CNIH3: variants seen among roughly 807,000 people sequenced by gnomAD.
CNIH3 encodes the protein protein cornichon homolog 3.
Under a neutral mutation model 24.1 loss-of-function variants are expected in CNIH3, and 14 were observed. That is an observed-to-expected ratio of 0.58 (90% CI 0.38 to 0.91). The LOEUF is 0.91. CNIH3 is among the 40% of genes least tolerant of loss of function. The pLI, the probability that CNIH3 is intolerant of heterozygous loss-of-function variation, is 0.00. For synonymous variants in CNIH3, 68 were observed against 73.8 expected (o/e 0.92, Z 0.40); for missense variants, 178 against 196.8 (o/e 0.90, Z 0.57).
intron 1 of CNIH3, among the ~76,000 whole-genome samples, chr1:224,501,422 C>T (rs1677661052): frequency 6.6e-6 from 1 of 151,810 alleles, no homozygotes; most frequent in South Asian, 2.1e-4. Context: ...ATCCAGTTTA[C>T]AGATGAGGGT....
chr1:224,595,033 A>C (rs1407896610), intron 3 of CNIH3, among the ~76,000 whole-genome samples: 1 of 152,106 alleles, frequency 6.6e-6, no homozygotes, highest in Non-Finnish European at 1.5e-5. Flanking sequence ...TGCTTGCCTC[A>C]TGTCTCTGTG....
chr1:224,721,271 A>G (rs1001236421), intron 3 of CNIH3, among the ~76,000 whole-genome samples: 1 of 152,028 alleles, frequency 6.6e-6, no homozygotes, highest in Non-Finnish European at 1.5e-5. Flanking sequence ...AGGCTTGTTG[A>G]ACCCTTAACC....
chr1:224,443,760 G>C (rs1675028759), intron 1 of CNIH3, among the ~76,000 whole-genome samples: 1 of 151,728 alleles, frequency 6.6e-6, no homozygotes, highest in South Asian at 2.1e-4. Context: ...ACCTGTGCTG[G>C]TCAGTGTGCA....
At chr1:224,617,373 G>C (rs1572594818) in intron 1 of CNIH3, 118 bp downstream of exon 1, 1 of 1,109,178 alleles carries the variant, frequency 9.0e-7, no homozygotes, top group Admixed American at 2.0e-5. Flanking sequence ...ACCTTCTGCC[G>C]CTCCACTGTC....
downstream of CNIH3, among the ~76,000 whole-genome samples, chr1:224,540,198 C>G (rs774509370): frequency 1.3e-4 from 20 of 152,160 alleles, no homozygotes; most frequent in Non-Finnish European, 1.9e-4. Context: ...TGCAGCTGCA[C>G]TCTCGTTTCA....
chr1:224,578,219 A>T (rs1032231510), intron 4 of CNIH3, among the ~76,000 whole-genome samples: 2 of 152,222 alleles, frequency 1.3e-5, no homozygotes, highest in African/African-American at 2.4e-5. Context: ...AGCTATTCCA[A>T]CTGGTAAAAT....
intron 1 of CNIH3, among the ~76,000 whole-genome samples, chr1:224,468,513 GACCT>G (rs1332155031): frequency 1.3e-5 from 2 of 152,134 alleles, no homozygotes; most frequent in African/African-American, 4.8e-5. Flanking sequence ...TGTGTCCAGT[GACCT>G]TCCTTATTAA....
chr1:224,580,428 G>A (rs1681222842), intron 4 of CNIH3, among the ~76,000 whole-genome samples: 1 of 152,202 alleles, frequency 6.6e-6, no homozygotes, highest in Non-Finnish European at 1.5e-5. Flanking sequence ...AGGATCTGTA[G>A]CCTGTGCTTT....
chr1:224,487,399 T>G (rs773731565), intron 1 of CNIH3, among the ~76,000 whole-genome samples: 3 of 152,230 alleles, frequency 2.0e-5, no homozygotes, highest in Non-Finnish European at 2.9e-5. Context: ...CCTCCTTCTG[T>G]CTTTCTGTTC....
Position 224,461,036 on chromosome 1 carries a change from T to C in CNIH3, n.203+26174T>C, listed in dbSNP as rs189664937. 6.9e-4 allele frequency among the ~76,000 whole-genome samples: 104 copies of C among 151,378 alleles called. 1 individual carries two copies. Among genetic ancestry groups the C allele is most frequent in the Admixed American group, 1.4e-3 (22 of 15,192 alleles). On this transcript the variant is annotated intron_variant and non_coding_transcript_variant, in intron 1 of 5. Coordinates refer to the CNIH3 transcript ENST00000471578. The stretch of plus-strand genomic sequence containing the variant: ...TTTTTTTTTTGAGATGGAGTCTCAC[T>C]CTGTCACCCAGCCTGGAGTGCAGTG...
intron 1 of CNIH3, among the ~76,000 whole-genome samples, chr1:224,678,621 G>A (rs970724214): frequency 6.6e-6 from 1 of 152,062 alleles, no homozygotes; most frequent in East Asian, 1.9e-4. Flanking sequence ...ACTTAAAGGG[G>A]TTCTTTGTGG....
intron 1 of CNIH3, among the ~76,000 whole-genome samples, chr1:224,470,112 G>T (rs866780491): frequency 6.6e-6 from 1 of 150,926 alleles, no homozygotes; most frequent in Non-Finnish European, 1.5e-5. Flanking sequence ...TCTGCTTCCC[G>T]GGTTCATGCC....
At chr1:224,479,421 T>C (rs1676718438) in intron 1 of CNIH3, among the ~76,000 whole-genome samples, 1 of 152,178 alleles carries the variant, frequency 6.6e-6, no homozygotes, top group African/African-American at 2.4e-5. Context: ...CCCAAAGTGC[T>C]GGGATTACAG....
intron 1 of CNIH3, among the ~76,000 whole-genome samples, chr1:224,477,206 T>G (rs1369121173): frequency 6.6e-6 from 1 of 152,236 alleles, no homozygotes; most frequent in South Asian, 2.1e-4. Context: ...TCAAAGGGTG[T>G]GTGGATTCTT....
chr1:224,608,322 C>G (rs1285719849), intron 3 of CNIH3, among the ~76,000 whole-genome samples: 1 of 152,152 alleles, frequency 6.6e-6, no homozygotes, highest in Non-Finnish European at 1.5e-5. Flanking sequence ...GACAAAACCT[C>G]TCAGACACCA....
intron 1 of CNIH3, among the ~76,000 whole-genome samples, chr1:224,673,936 T>C (rs950246161): frequency 1.3e-5 from 2 of 151,992 alleles, no homozygotes; most frequent in Admixed American, 1.3e-4. Context: ...CCAGTGTGGG[T>C]TGTCCCTCAT....
chr1:224,437,658 G>T (rs1674720052), intron 1 of CNIH3, among the ~76,000 whole-genome samples: 3 of 152,134 alleles, frequency 2.0e-5, no homozygotes, highest in Admixed American at 1.3e-4. Context: ...TAAAAATAAG[G>T]TGGCAAAGTA....
chr1:224,483,156 A>G (rs1217705781), intron 1 of CNIH3, among the ~76,000 whole-genome samples: 3 of 152,152 alleles, frequency 2.0e-5, no homozygotes, highest in African/African-American at 7.2e-5. Context: ...TACCCTCTCC[A>G]GTGCCTCTTT....
chr1:224,689,431 C>G (rs1370391245), intron 3 of CNIH3, among the ~76,000 whole-genome samples: 1 of 152,228 alleles, frequency 6.6e-6, no homozygotes, highest in Non-Finnish European at 1.5e-5. Flanking sequence ...TGCATCCCCT[C>G]TTAGCATCCC....
Sources: gnomAD v4.1 joint callset for allele counts (sites outside exome capture counted in the v4.1 genomes callset) on GRCh38, gnomAD v4.1.1 for gene constraint, MANE v1.5 for transcripts, NCBI Gene and HGNC (gene_info 2026-07-23, HGNC 2026-07-21) for gene names.